Variants in SUCNR1 observed in about 807,000 individuals in gnomAD.
SUCNR1 encodes succinate receptor 1.
A neutral mutation model predicts 2.4 loss-of-function variants in SUCNR1; 5 were observed. The ratio of observed to expected loss-of-function variants is 2.07; its 90% CI spans 1.08 to 4.36. SUCNR1 has a LOEUF of 4.36. Ranked by LOEUF, SUCNR1 falls within the 30% of genes most tolerant of loss-of-function variation. The pLI, the probability that SUCNR1 is intolerant of heterozygous loss-of-function variation, is 0.00. For synonymous variants in SUCNR1, 162 were observed against 143.9 expected, an observed-to-expected ratio of 1.13 and a Z score of -0.90; for missense variants, 373 against 399.2, an observed-to-expected ratio of 0.93 and a Z score of 0.56.
At position 151,883,423 on chromosome 3, in the gene SUCNR1, T is replaced by C. The variant is rs183774449; in HGVS notation, c.*1875T>C. 4.0e-3 allele frequency: 575 copies of C among 142,034 alleles called. 2 individuals are homozygous for C. The highest frequency in any genetic ancestry group is 0.014 in the African/African-American group (545 of 38,986). 8.8% of individuals were successfully genotyped at this position (142,034 alleles called of 1,614,324 possible). On this transcript the variant is annotated 3_prime_UTR_variant, in exon 3 of 3. Transcript: ENST00000362032. ...CCAAGAAGTCACAGGAATAGACTCT[T>C]TCTAATAGTGCAGTGAAATATTTTT...
chr3:151,875,668 GATTTT>G (rs1489656619), intron 1 of SUCNR1, among the ~76,000 whole-genome samples: 2 of 151,928 alleles, frequency 1.3e-5, no homozygotes, highest in Non-Finnish European at 2.9e-5. Flanking sequence ...TTGCCTATTT[GATTTT>G]ATGAGTGTTA....
rs757440458 is a variant in SUCNR1 at position 151,880,671 on chromosome 3, T to G, written c.128T>G (p.Ile43Ser). ...EFVVGVLGNT[I>S]VVYGYIFSLK... ...GTTGTGGGAGTCCTTGGAAATACCA[T>G]TGTTGTTTACGGCTACATCTTCTCT... Residue 43 changes from isoleucine (I) to serine (S), a missense_variant, in exon 3 of 3, where the codon ATT (isoleucine) becomes AGT (serine). This residue lies in a region of SUCNR1 where 184 missense variants were observed against 162.2 expected (regional missense o/e 1.13). Coordinates refer to ENST00000362032, the MANE Select transcript of SUCNR1 (RefSeq NM_033050.6). 6.2e-7 allele frequency: 1 copy of G among 1,614,134 alleles called. No individual in the cohort carries two copies. The highest frequency in any genetic ancestry group is 1.7e-5 in the Admixed American group (1 of 60,022).
chr3:151,877,329 G>A lies in SUCNR1; in HGVS notation c.-41-2523G>A, dbSNP rs1717953835. 2.0e-5 allele frequency among the ~76,000 whole-genome samples: 3 copies of A among 152,238 alleles called. No homozygotes were observed. The South Asian group carries it at 6.2e-4, about 32-fold the overall frequency. Reference sequence around the variant, plus strand: ...TTGGATAGTGGAAAGTTAATTAAGGGTTTTGATCAAGGAAAGCTATATGAT... The same window carrying A: ...TTGGATAGTGGAAAGTTAATTAAGGATTTTGATCAAGGAAAGCTATATGAT... On this transcript the variant is annotated intron_variant, in intron 1 of 2. Coordinates refer to ENST00000362032, the MANE Select transcript of SUCNR1 (RefSeq NM_033050.6).
In SUCNR1 at chr3:151,883,229, AGAACTTCT is replaced by A. The variant is rs1410244201; in HGVS notation, c.*1684_*1691del. On this transcript the variant is annotated 3_prime_UTR_variant, in exon 3 of 3. Coordinates refer to ENST00000362032, the MANE Select transcript of SUCNR1 (RefSeq NM_033050.6). ...AACTGCCTAATAACAAACTGAAAACAGAACTTCTGAGTTTCCTTATCAGAAAGGGCCAC... is the reference window on the plus strand; with the variant it reads ...AACTGCCTAATAACAAACTGAAAACAGAGTTTCCTTATCAGAAAGGGCCAC... 1 of 151,932 alleles carries A rather than the reference AGAACTTCT, an allele frequency of 6.6e-6. No homozygotes were observed. The highest frequency in any genetic ancestry group is 1.5e-5 in the Non-Finnish European group (1 of 67,898). 9.4% of individuals were successfully genotyped at this position (151,932 alleles called of 1,614,324 possible).
Position 151,880,769 on chromosome 3 carries a change from C to A in SUCNR1, c.226C>A (p.Leu76Ile). ...SVSDLAFLCT[L>I]PMLIRSYANG... The stretch of plus-strand genomic sequence containing the variant: ...CTCTGACTTAGCTTTTCTGTGCACC[C>A]TCCCCATGCTGATAAGGAGTTATGC... Residue 76 changes from leucine (L) to isoleucine (I), a missense_variant, in exon 3 of 3, where the codon CTC becomes ATC. Leu to Ile is a conservative substitution (Grantham distance 5). Coordinates refer to ENST00000362032, the MANE Select transcript of SUCNR1 (RefSeq NM_033050.6). The A allele has an allele frequency of 6.2e-7, 1 of 1,614,084 alleles. No individual in the cohort carries two copies. The highest frequency in any genetic ancestry group is 1.1e-5 in the South Asian group (1 of 91,076).
chr3:151,874,937 C>G (rs1717878142), intron 1 of SUCNR1, among the ~76,000 whole-genome samples: 1 of 151,614 alleles, frequency 6.6e-6, no homozygotes, highest in Non-Finnish European at 1.5e-5. Context: ...ACTATAAAAA[C>G]AAACAATTAA....
chr3:151,875,832 C>T (rs915054308), intron 1 of SUCNR1, among the ~76,000 whole-genome samples: 1 of 152,198 alleles, frequency 6.6e-6, no homozygotes, highest in Non-Finnish European at 1.5e-5. Flanking sequence ...CTCCTTCAAT[C>T]CCCGACCTTC....
rs185717497 is a variant in SUCNR1, at chr3:151,881,550, G to A, written c.*2G>A. ...CTACTTTCATTCAGAGAAAAGTGAGGGGCTTGTGAAACAGATTGTTCTACA... is the reference window on the plus strand; with the variant it reads ...CTACTTTCATTCAGAGAAAAGTGAGAGGCTTGTGAAACAGATTGTTCTACA... On this transcript the variant is annotated 3_prime_UTR_variant, in exon 3 of 3. Transcript: ENST00000362032. The A allele has an allele frequency of 1.9e-6, 3 of 1,581,144 alleles. No individual in the cohort carries two copies. The highest frequency in any genetic ancestry group is 3.7e-5 in the Admixed American group (2 of 54,022).
rs56678758 is a variant in SUCNR1, at chr3:151,874,146, ATTTTT to A, written c.-42+460_-42+464del. On this transcript the variant is annotated intron_variant, in intron 1 of 2. Coordinates refer to ENST00000362032, the MANE Select transcript of SUCNR1 (RefSeq NM_033050.6). ...CATACATATATATATATATATATAT[ATTTTT>A]TTTTTTTTTTTTTTTTTTTAAGACA... Among the ~76,000 whole-genome samples, 27 of 60,194 alleles carry A rather than the reference ATTTTT, an allele frequency of 4.5e-4. 1 individual carries two copies. The highest frequency in any genetic ancestry group is 2.1e-3 in the South Asian group (3 of 1,400). The allele number at this position is 60,194 out of a possible 152,430, so 39.5% of individuals were successfully genotyped here.
Position 151,881,088 on chromosome 3 carries a change from A to G in SUCNR1, c.545A>G (p.Asn182Ser), listed in dbSNP as rs1248614564. The G allele has an allele frequency of 1.9e-6, 3 of 1,614,102 alleles. No homozygotes were observed. The highest frequency in any genetic ancestry group is 2.2e-5 in the East Asian group (1 of 44,882). Reference protein sequence around the residue: ...CNDFASSGDPNYNLIYSMCLT... With the variant: ...CNDFASSGDPSYNLIYSMCLT... ...GATTTTGCAAGTTCTGGAGACCCCA[A>G]CTACAACCTCATTTACAGCATGTGT... Residue 182 changes from asparagine (N) to serine (S), a missense_variant, in exon 3 of 3, where the codon AAC (asparagine) becomes AGC (serine). Coordinates refer to ENST00000362032, the MANE Select transcript of SUCNR1 (RefSeq NM_033050.6).
chr3:151,884,468 A>G lies in SUCNR1; in HGVS notation c.*2920A>G, dbSNP rs932761799. The G allele has an allele frequency of 6.6e-6, 1 of 152,168 alleles. No individual in the cohort carries two copies. The highest frequency in any genetic ancestry group is 1.5e-5 in the Non-Finnish European group (1 of 68,028). The allele number at this position is 152,168 out of a possible 1,614,324, so 9.4% of individuals were successfully genotyped here. On this transcript the variant is annotated 3_prime_UTR_variant, in exon 3 of 3. Transcript: ENST00000362032. ...AGTCATAATTTTCCTGTTTCTCTAT[A>G]TGCCTAGTAAATTAGAATTTTATTC...
rs1346621882 is a variant in SUCNR1 at position 151,883,112 on chromosome 3, TTTA to T, written c.*1567_*1569del. The T allele has an allele frequency of 2.0e-4, 31 of 152,204 alleles. No individual in the cohort carries two copies. The highest frequency in any genetic ancestry group is 7.2e-4 in the African/African-American group (30 of 41,572). 9.4% of individuals were successfully genotyped at this position (152,204 alleles called of 1,614,324 possible). ...ATAAAAATGCATTAGTCACAAAAGA[TTTA>T]TTTTCTTACATCACACCAGGCTTTA... On this transcript the variant is annotated 3_prime_UTR_variant, in exon 3 of 3. Coordinates refer to ENST00000362032, the MANE Select transcript of SUCNR1 (RefSeq NM_033050.6).
chr3:151,880,112 A>G (rs1718043792), intron 2 of SUCNR1, among the ~76,000 whole-genome samples: 1 of 152,128 alleles, frequency 6.6e-6, no homozygotes, highest in African/African-American at 2.4e-5. Flanking sequence ...TTTTGTTTAA[A>G]TGTCATCTTG....
rs775783565 is a variant in SUCNR1 at position 151,880,616 on chromosome 3, T to C, written c.73T>C (p.Tyr25His). 1 of 1,613,878 alleles carries C rather than the reference T, an allele frequency of 6.2e-7. No individual in the cohort carries two copies. The highest frequency in any genetic ancestry group is 8.5e-7 in the Non-Finnish European group (1 of 1,179,822). ...LAAEAALEKYYLSIFYGIEFV... is the reference protein window; with the variant it reads ...LAAEAALEKYHLSIFYGIEFV... ...AGCAGAGGCTGCCCTGGAAAAGTACTACCTTTCCATTTTTTATGGGATTGA... is the reference window on the plus strand; with the variant it reads ...AGCAGAGGCTGCCCTGGAAAAGTACCACCTTTCCATTTTTTATGGGATTGA... The change falls in exon 3 of 3, where the codon TAC (tyrosine) becomes CAC (histidine). Residue 25 changes from tyrosine (Y) to histidine (H), a missense_variant. Tyr to His is a moderately conservative substitution (Grantham distance 83). Coordinates refer to ENST00000362032, the MANE Select transcript of SUCNR1 (RefSeq NM_033050.6).
rs988283851 is a variant in SUCNR1, at chr3:151,884,246, T to C, written c.*2698T>C. 2.6e-5 allele frequency: 4 copies of C among 152,168 alleles called. No homozygotes were observed. Among genetic ancestry groups the C allele is most frequent in the African/African-American group, 9.7e-5 (4 of 41,418 alleles). The allele number at this position is 152,168 out of a possible 1,614,324, so 9.4% of individuals were successfully genotyped here. A position where few individuals can be genotyped will look rare whatever the true frequency, so the allele number is the denominator to read the frequency against. On this transcript the variant is annotated 3_prime_UTR_variant, in exon 3 of 3. Transcript: ENST00000362032. The stretch of plus-strand genomic sequence containing the variant: ...AGCTATTTTTTTGTCATCATTACTT[T>C]AGTAAGTAACATTATTTTATATGAA...
Position 151,882,463 on chromosome 3 carries a change from TCATAAAC to T in SUCNR1, c.*918_*924del, listed in dbSNP as rs1318916276. ...TAGTGAACTTTAAAATATATTAATA[TCATAAAC>T]CAGCAAATAAGGAGAAATAAACTGA... On this transcript the variant is annotated 3_prime_UTR_variant, in exon 3 of 3. Coordinates refer to ENST00000362032, the MANE Select transcript of SUCNR1 (RefSeq NM_033050.6). 15 of 152,290 alleles carry T rather than the reference TCATAAAC, an allele frequency of 9.8e-5. No individual in the cohort carries two copies. In the South Asian group the frequency reaches 1.9e-3, roughly 19 times the overall value. The allele number at this position is 152,290 out of a possible 1,614,324, so 9.4% of individuals were successfully genotyped here.
chr3:151,877,540 C>T (rs1267560690), intron 1 of SUCNR1, among the ~76,000 whole-genome samples: 3 of 152,094 alleles, frequency 2.0e-5, no homozygotes, highest in Non-Finnish European at 2.9e-5. Flanking sequence ...GAGAAATACC[C>T]AGACATTACA....
intron 1 of SUCNR1, among the ~76,000 whole-genome samples, chr3:151,874,195 C>T (rs1717853038): frequency 7.5e-6 from 1 of 133,800 alleles, no homozygotes; most frequent in Non-Finnish European, 1.5e-5. Flanking sequence ...CTCTTGTCAC[C>T]CAGGCTAGAG....
rs757938986 is a variant in SUCNR1 at position 151,882,423 on chromosome 3, C to G, written c.*875C>G. On this transcript the variant is annotated 3_prime_UTR_variant, in exon 3 of 3. Transcript: ENST00000362032. ...AAATATATTAAAGTTCATTAGCCTT[C>G]TGCTCTTGATTTAATAGTGAACTTT... 2.1e-4 allele frequency: 32 copies of G among 152,254 alleles called. No individual in the cohort carries two copies. The highest frequency in any genetic ancestry group is 2.1e-3 in the South Asian group (10 of 4,830). The allele number at this position is 152,254 out of a possible 1,614,324, so 9.4% of individuals were successfully genotyped here.
Sources: allele counts gnomAD v4.1 joint callset (sites outside exome capture counted in the v4.1 genomes callset), GRCh38; gene constraint gnomAD v4.1.1; regional missense constraint gnomAD v4.1.1; transcripts MANE v1.5; gene names NCBI Gene and HGNC (gene_info 2026-07-23, HGNC 2026-07-21).